The following FBXW5 variants were observed in gnomAD, a reference collection of about 807,000 sequenced individuals.
FBXW5 encodes F-box and WD repeat domain containing 5.
In FBXW5, 74 loss-of-function variants were observed where a neutral mutation model predicts 50.9. That is an observed-to-expected ratio of 1.45 (90% confidence interval 1.20 to 1.76). The LOEUF (loss-of-function observed/expected upper bound fraction) is 1.76. Ranked by LOEUF, FBXW5 falls within the 40% of genes most tolerant of loss-of-function variation. The probability of loss-of-function intolerance (pLI) is 0.00; values close to 1 mark genes in which losing one functional copy is unlikely to be tolerated. For synonymous variants in FBXW5, 523 were observed against 362.2 expected (o/e 1.44, Z -5.04); for missense variants, 1,073 against 818.8 (o/e 1.31, Z -3.79).
In FBXW5 at chr9:136,942,218, G is replaced by A. The variant is rs35438842; in HGVS notation, c.924C>T (p.Arg308=). Residue 308 remains arginine (R), a synonymous_variant, in exon 6 of 9, where the codon CGC becomes CGT. Transcript: ENST00000325285. ...GTGGCTGCGCCCGCCCCTCCAGCAC[G>A]CGGTCCAGAAAGTGCCGCAAGCCCT... ...AKEGLRHFLD[R]VLEGRAQPQL... 445 of 1,592,676 alleles carry A rather than the reference G, an allele frequency of 2.8e-4. 1 individual carries two copies. The highest frequency in any genetic ancestry group is 1.3e-3 in the Middle Eastern group (8 of 6,064).
Position 136,943,967 on chromosome 9 carries a change from C to T in FBXW5, c.117G>A (p.Val39=). 1 of 1,569,410 alleles carries T rather than the reference C, an allele frequency of 6.4e-7. No homozygotes were observed. The highest frequency in any genetic ancestry group is 1.4e-5 in the African/African-American group (1 of 73,826). Residue 39 remains valine, a synonymous_variant, in exon 2 of 9, where the codon GTG becomes GTA. Coordinates refer to ENST00000325285, the MANE Select transcript of FBXW5 (RefSeq NM_018998.4). ...CCCTCCACAGGAACTCGTCCCGCGACACGGCCTGCCATTGGCGGCACACCA... is the reference window on the plus strand; with the variant it reads ...CCCTCCACAGGAACTCGTCCCGCGATACGGCCTGCCATTGGCGGCACACCA... ...AGLVCRQWQA[V]SRDEFLWREQ... is the part of the protein sequence containing the mutation.
intron 1 of FBXW5, 26 bp downstream of exon 1, chr9:136,944,568 C>T (rs1428375095): frequency 3.0e-6 from 3 of 983,678 alleles, no homozygotes; most frequent in South Asian, 4.7e-5. Flanking sequence ...CAAGGCGGGA[C>T]CCCCGAGGGC....
At position 136,942,687 on chromosome 9, in the gene FBXW5, C is replaced by T. The variant is rs751094496; in HGVS notation, c.535G>A (p.Ala179Thr). ...TTGTTCCGCACGCGGGACAGCAGCG[C>T]GAAGGAGTCTGTGGGGAGGCCGGGG... Reference protein sequence around the residue: ...EIAVISLDSFALLSRVRNKPY... With the variant: ...EIAVISLDSFTLLSRVRNKPY... Residue 179 changes from alanine to threonine, a missense_variant, in exon 5 of 9, where the codon GCG becomes ACG. Ala to Thr is a moderately conservative substitution (Grantham distance 58). Transcript: ENST00000325285. 6.2e-6 allele frequency: 10 copies of T among 1,610,732 alleles called. No individual in the cohort carries two copies. Among genetic ancestry groups the T allele is most frequent in the Middle Eastern group, 1.6e-4 (1 of 6,062 alleles).
chr9:136,943,243 G>GTGGGC, intron 3 of FBXW5, 106 bp downstream of exon 3: 25 of 1,176,274 alleles, frequency 2.1e-5, no homozygotes, highest in Non-Finnish European at 2.7e-5. Flanking sequence ...CCTCTGGCCT[G>GTGGGC]ACCCACCCCC....
chr9:136,943,921 GGTA>G lies in FBXW5; in HGVS notation c.160_162del (p.Tyr54del), dbSNP rs753533388. 8 of 1,551,008 alleles carry G rather than the reference GGTA, an allele frequency of 5.2e-6. No homozygotes were observed. The highest frequency in any genetic ancestry group is 3.6e-5 in the South Asian group (3 of 84,144). On this transcript the variant is annotated inframe_deletion, in exon 2 of 9. Transcript: ENST00000325285. ...TGTCGGGGCACGTCGCGGGCCACCTGGTAGTAGCGGTAGAACTGCTCCCTCCAC... is the reference window on the plus strand; with the variant it reads ...TGTCGGGGCACGTCGCGGGCCACCTGGTAGCGGTAGAACTGCTCCCTCCAC...
intron 4 of FBXW5, 23 bp from the exon 5 acceptor site, chr9:136,942,718 C>G: frequency 6.2e-7 from 1 of 1,610,068 alleles, no homozygotes; most frequent in Non-Finnish European, 8.5e-7. Context: ...CGGGGCTGGA[C>G]AGGCTGTCGG....
At chr9:136,941,230 G>T in intron 8 of FBXW5, 21 bp downstream of exon 8, 1 of 1,600,934 alleles carries the variant, frequency 6.2e-7, no homozygotes. Context: ...CACCCGCCCT[G>T]CACCACGCCG....
In FBXW5 at chr9:136,940,734, C is replaced by T; in HGVS notation, c.*194G>A. The T allele has an allele frequency of 1.1e-6, 1 of 923,882 alleles. No individual in the cohort carries two copies. Among genetic ancestry groups the T allele is most frequent in the Non-Finnish European group, 1.6e-6 (1 of 633,656 alleles). The allele number at this position is 923,882 out of a possible 1,614,324, so 57.2% of individuals were successfully genotyped here. On this transcript the variant is annotated 3_prime_UTR_variant, in exon 9 of 9. Transcript: ENST00000325285. ...AGGCCGAGGGGGCCTTGGGCTCCAT[C>T]TGCACTGGCCACCCCGTGCCAAGCA... is the stretch of plus-strand genomic sequence containing the variant.
intron 2 of FBXW5, 55 bp from the exon 3 acceptor site, chr9:136,943,561 A>C: frequency 6.4e-7 from 1 of 1,558,118 alleles, no homozygotes; most frequent in South Asian, 1.2e-5. Flanking sequence ...AGTCACGGCC[A>C]TGAGCCGAGT....
intron 3 of FBXW5, 106 bp downstream of exon 3, chr9:136,943,243 G>GTGGGGC: frequency 4.3e-6 from 5 of 1,176,286 alleles, no homozygotes; most frequent in South Asian, 1.4e-5. Flanking sequence ...CCTCTGGCCT[G>GTGGGGC]ACCCACCCCC....
chr9:136,941,401 G>A lies in FBXW5; in HGVS notation c.1307C>T (p.Pro436Leu), dbSNP rs759720702. Residue 436 changes from proline (P) to leucine (L), a missense_variant, in exon 8 of 9, where the codon CCG (proline) becomes CTG (leucine). Pro to Leu is a moderately conservative substitution (Grantham distance 98). Transcript: ENST00000325285. ...GTCAATCTCCTCCGCGATTGGTGGC[G>A]GCTGCATGGGGTCGGCCACCACCGC... Reference protein sequence around the residue: ...NGAVVADPMQPPPIAEEIDLL... With the variant: ...NGAVVADPMQLPPIAEEIDLL... The A allele has an allele frequency of 2.0e-5, 33 of 1,610,934 alleles. No individual in the cohort carries two copies. Among genetic ancestry groups the A allele is most frequent in the Admixed American group, 3.3e-5 (2 of 60,026 alleles).
chr9:136,943,279 G>T (rs1316942203), intron 3 of FBXW5, 70 bp downstream of exon 3: 47 of 772,488 alleles, frequency 6.1e-5, no homozygotes, highest in Non-Finnish European at 9.3e-5. Context: ...TGGTTGGAAC[G>T]CCTGGGTCCT....
chr9:136,944,294 C>T (rs542695930), intron 1 of FBXW5, 188 bp from the exon 2 acceptor site: 72 of 678,812 alleles, frequency 1.1e-4, no homozygotes, highest in South Asian at 8.1e-4. Context: ...GGCCCCTCTC[C>T]GCCGCGTCAT....
At position 136,942,386 on chromosome 9, in the gene FBXW5, C is replaced by G; in HGVS notation, c.756G>C (p.Val252=). ...CGAAGCGGCTGCAGTCGGCCACCATCACCGTGCGGACGGTGCTGGCATTGA... is the reference window on the plus strand; with the variant it reads ...CGAAGCGGCTGCAGTCGGCCACCATGACCGTGCGGACGGTGCTGGCATTGA... ...QNLNASTVRT[V]MVADCSRFDS... is the part of the protein sequence containing the mutation. The change falls in exon 6 of 9, where the codon GTG becomes GTC. Residue 252 remains valine, a synonymous_variant. Coordinates refer to ENST00000325285, the MANE Select transcript of FBXW5 (RefSeq NM_018998.4). 1 of 1,611,742 alleles carries G rather than the reference C, an allele frequency of 6.2e-7. No individual in the cohort carries two copies. Among genetic ancestry groups the G allele is most frequent in the Non-Finnish European group, 8.5e-7 (1 of 1,179,346 alleles).
At position 136,942,424 on chromosome 9, in the gene FBXW5, T is replaced by C; in HGVS notation, c.718A>G (p.Lys240Glu). Residue 240 changes from lysine (K) to glutamate (E), a missense_variant, in exon 6 of 9, where the codon AAG becomes GAG. Coordinates refer to ENST00000325285, the MANE Select transcript of FBXW5 (RefSeq NM_018998.4). ...ENVNVVKRLF[K>E]IQNLNASTVR... Reference sequence around the variant, plus strand: ...GTGCTGGCATTGAGGTTCTGGATCTTGAACAGCCGCTTCACCACGTTGACG... The same window carrying C: ...GTGCTGGCATTGAGGTTCTGGATCTCGAACAGCCGCTTCACCACGTTGACG... 6.2e-7 allele frequency: 1 copy of C among 1,603,112 alleles called. No homozygotes were observed. Among genetic ancestry groups the C allele is most frequent in the South Asian group, 1.1e-5 (1 of 90,880 alleles).
intron 2 of FBXW5, 125 bp from the exon 3 acceptor site, chr9:136,943,631 A>G: frequency 7.6e-7 from 1 of 1,324,450 alleles, no homozygotes; most frequent in East Asian, 2.5e-5. Context: ...GTCATGGCAT[A>G]GGCCTCGGCT....
rs1217096563 is a variant in FBXW5 at position 136,942,584 on chromosome 9, G to A, written c.638C>T (p.Thr213Ile). 1.1e-5 allele frequency: 17 copies of A among 1,611,744 alleles called. No individual in the cohort carries two copies. The highest frequency in any genetic ancestry group is 4.0e-5 in the African/African-American group (3 of 74,874). ...SGNLHRIGDI[T>I]SCSVLWLNNA... ...GTTGAGCCACAGCACCGAGCAGGAG[G>A]TGATATCTCCGATGCGGTGCAGGTT... The change falls in exon 5 of 9, where the codon ACC becomes ATC. Residue 213 changes from threonine to isoleucine, a missense_variant. Thr to Ile is a moderately conservative substitution (Grantham distance 89). Coordinates refer to ENST00000325285, the MANE Select transcript of FBXW5 (RefSeq NM_018998.4).
Position 136,941,522 on chromosome 9 carries a change from T to TGGCAAGAGGCCCACC in FBXW5, c.1244_1244+14dup, listed in dbSNP as rs1850764601. ...CCTGCGGGCACCCCGCCTGGGACAC[T>TGGCAAGAGGCCCACC]GGCAAGAGGCCCACCTGTTGTCGGG... On this transcript the variant is annotated intron_variant, in intron 7 of 8. Transcript: ENST00000325285. 1 of 1,607,094 alleles carries TGGCAAGAGGCCCACC rather than the reference T, an allele frequency of 6.2e-7. No homozygotes were observed.
chr9:136,941,973 C>T, intron 6 of FBXW5, 73 bp downstream of exon 6: 1 of 1,487,666 alleles, frequency 6.7e-7, no homozygotes. Context: ...TTGCTGTCTG[C>T]CCCTCAGGAC....
Sources: gnomAD v4.1 joint callset for allele counts on GRCh38, gnomAD v4.1.1 for gene constraint, MANE v1.5 for transcripts, NCBI Gene and HGNC (gene_info 2026-07-23, HGNC 2026-07-21) for gene names.